DNMT3A: variants seen among roughly 807,000 people sequenced by gnomAD.
DNMT3A encodes the protein DNA (cytosine-5)-methyltransferase 3A.
DNMT3A carries 267 observed loss-of-function variants against 117.6 expected under a neutral mutation model. The observed-to-expected ratio is 2.27, with a 90% CI of 2.05 to 2.51. The LOEUF (loss-of-function observed/expected upper bound fraction) is 2.51, where lower values mean the gene tolerates loss of function less well. Among genes scored for constraint, DNMT3A ranks in the 30% most tolerant of loss-of-function variants. The probability of loss-of-function intolerance (pLI) is 0.00; values close to 1 mark genes in which losing one functional copy is unlikely to be tolerated. For synonymous variants in DNMT3A, 432 were observed against 474.8 expected (o/e 0.91, Z 1.17); for missense variants, 1,029 against 1,260.2 (o/e 0.82, Z 2.78).
At chr2:25,322,976 T>C (rs2034652396) in intron 1 of DNMT3A, among the ~76,000 whole-genome samples, 1 of 151,936 alleles carries the variant, frequency 6.6e-6, no homozygotes, top group African/African-American at 2.4e-5. Flanking sequence ...GCTTGCATTC[T>C]CCTTTTCCTC....
rs1222899269 is a variant in DNMT3A, at chr2:25,234,889, G to C, written c.2598-469C>G. Among the ~76,000 whole-genome samples, 4 of 152,152 alleles carry C rather than the reference G, an allele frequency of 2.6e-5. No individual in the cohort carries two copies. The highest frequency in any genetic ancestry group is 5.9e-5 in the Non-Finnish European group (4 of 68,032). ...CGAAAAAGGAGCCGAACTCCTGCCT[G>C]ACTTCAGAAGCTGAAGGATTTCCTG... On this transcript the variant is annotated intron_variant, in intron 22 of 22. Coordinates refer to ENST00000321117, the MANE Select transcript of DNMT3A (RefSeq NM_022552.5). This position sits in a 1 kb window ranked among gnomAD's most constrained non-coding sequence, Gnocchi z 4.5.
intron 6 of DNMT3A, among the ~76,000 whole-genome samples, chr2:25,251,097 G>A (rs1056853525): frequency 3.3e-5 from 5 of 151,384 alleles, no homozygotes; most frequent in Non-Finnish European, 7.4e-5. Flanking sequence ...AAGGGCTGGC[G>A]GAGGAGGAAG....
chr2:25,247,230 G>T lies in DNMT3A; in HGVS notation c.1015-72C>A. ...GCACCCACCCCATGCCTTGCAACTG[G>T]CAGGGGCTGGGAGCCTCGAGAGTCA... On this transcript the variant is annotated intron_variant, in intron 8 of 22. Coordinates refer to ENST00000321117, the MANE Select transcript of DNMT3A (RefSeq NM_022552.5). The surrounding 1 kb of genome is among the most constrained non-coding windows in gnomAD (Gnocchi z 5.6). 1 of 1,480,792 alleles carries T rather than the reference G, an allele frequency of 6.8e-7. No homozygotes were observed. Among genetic ancestry groups the T allele is most frequent in the Non-Finnish European group, 9.3e-7 (1 of 1,072,248 alleles). The allele number at this position is 1,480,792 out of a possible 1,614,324, so 91.7% of individuals were successfully genotyped here.
intron 1 of DNMT3A, among the ~76,000 whole-genome samples, chr2:25,330,919 G>A (rs773101884): frequency 1.3e-5 from 2 of 152,212 alleles, no homozygotes; most frequent in Non-Finnish European, 2.9e-5. Flanking sequence ...AGAGTCAATA[G>A]AACATGACGA....
chr2:25,270,622 G>A (rs1015214140), intron 6 of DNMT3A, among the ~76,000 whole-genome samples: 30 of 151,924 alleles, frequency 2.0e-4, no homozygotes, highest in Admixed American at 1.8e-3. Context: ...AGGGTACTTG[G>A]ATCTAGGAGG....
chr2:25,255,904 G>T (rs1025111630), intron 6 of DNMT3A, among the ~76,000 whole-genome samples: 1 of 152,222 alleles, frequency 6.6e-6, no homozygotes, highest in Admixed American at 6.5e-5. Context: ...AGCAACGCCC[G>T]GAGCTCATGC....
intron 1 of DNMT3A, among the ~76,000 whole-genome samples, chr2:25,329,674 CACACACACACACACACACA>C (rs1558746460): frequency 3.5e-4 from 8 of 22,708 alleles, no homozygotes; most frequent in Admixed American, 1.9e-3. Context: ...ATGCAGACCC[CACACACACACACACACACA>C]CACACACACA....
intron 1 of DNMT3A, among the ~76,000 whole-genome samples, chr2:25,319,413 G>T (rs2034508714): frequency 6.6e-6 from 1 of 152,118 alleles, no homozygotes; most frequent in Non-Finnish European, 1.5e-5. Context: ...GCATCCCAAA[G>T]TGCTGGGATT....
chr2:25,282,602 C>T lies in DNMT3A; in HGVS notation c.287G>A (p.Arg96Gln), dbSNP rs771499883. The change falls in exon 4 of 23, where the codon CGG becomes CAG. Residue 96 changes from arginine to glutamine, a missense_variant. Coordinates refer to ENST00000321117, the MANE Select transcript of DNMT3A (RefSeq NM_022552.5). This position sits in a 1 kb window ranked among gnomAD's most constrained non-coding sequence, Gnocchi z 5.2. ...ELLPNGDLEK[R>Q]SEPQPEEGSP... ...CCCCTCCTCTGGCTGGGGCTCACTC[C>T]GCTTCTCCAAGTCCCCATTGGGTAA... The T allele has an allele frequency of 5.1e-5, 83 of 1,613,558 alleles. No homozygotes were observed. The highest frequency in any genetic ancestry group is 1.1e-4 in the South Asian group (10 of 91,036).
chr2:25,300,757 ATATATATATAT>A (rs2033459791), intron 2 of DNMT3A, among the ~76,000 whole-genome samples: 8 of 74,666 alleles, frequency 1.1e-4, no homozygotes, highest in African/African-American at 3.2e-4. Context: ...ATATATATAT[ATATATATATAT>A]AAATAATACA....
rs1673490927 is a variant in DNMT3A at position 25,237,416 on chromosome 2, G to C, written c.2409-411C>G. On this transcript the variant is annotated intron_variant, in intron 20 of 22. Coordinates refer to ENST00000321117, the MANE Select transcript of DNMT3A (RefSeq NM_022552.5). This position sits in a 1 kb window ranked among gnomAD's most constrained non-coding sequence, Gnocchi z 5.4. ...CTTGATTTGTGGTGATTGTTACACG[G>C]GTGTGTCCACTGGATGAAATTAATC... is the stretch of plus-strand genomic sequence containing the variant. Among the ~76,000 whole-genome samples the C allele has an allele frequency of 2.0e-5, 3 of 152,168 alleles. No homozygotes were observed. Among genetic ancestry groups the C allele is most frequent in the South Asian group, 4.1e-4 (2 of 4,822 alleles).
At chr2:25,260,474 T>G (rs1309046030) in intron 6 of DNMT3A, among the ~76,000 whole-genome samples, 1 of 152,138 alleles carries the variant, frequency 6.6e-6, no homozygotes, top group Non-Finnish European at 1.5e-5. Context: ...CAATTTTTGT[T>G]TTTTTTTGCC....
chr2:25,294,056 C>T lies in DNMT3A; in HGVS notation c.177+6083G>A, dbSNP rs765713395. On this transcript the variant is annotated intron_variant, in intron 3 of 22. Coordinates refer to ENST00000321117, the MANE Select transcript of DNMT3A (RefSeq NM_022552.5). The surrounding 1 kb of genome is among the most constrained non-coding windows in gnomAD (Gnocchi z 4.7). ...TGGCCCCTGCCTTTGGGCCTCCCCA[C>T]ACTCACCCTGCCCTGCATGCCTTCC... Among the ~76,000 whole-genome samples, 1 of 152,340 alleles carries T rather than the reference C, an allele frequency of 6.6e-6. No individual in the cohort carries two copies. Among genetic ancestry groups the T allele is most frequent in the Non-Finnish European group, 1.5e-5 (1 of 68,036 alleles).
At chr2:25,318,082 G>A (rs1273976917) in intron 1 of DNMT3A, among the ~76,000 whole-genome samples, 4 of 152,088 alleles carry the variant, frequency 2.6e-5, no homozygotes, top group Admixed American at 6.6e-5. Context: ...GCTATTCCCC[G>A]ATTGGGCTCT....
chr2:25,302,489 G>A (rs1336607504), intron 2 of DNMT3A, among the ~76,000 whole-genome samples: 1 of 152,244 alleles, frequency 6.6e-6, no homozygotes, highest in Admixed American at 6.5e-5. Flanking sequence ...TGTGGAGGGA[G>A]AGGCCAGCCC....
Position 25,281,224 on chromosome 2 carries a change from C to G in DNMT3A, c.448+1217G>C, listed in dbSNP as rs1179691923. Reference sequence around the variant, plus strand: ...ATAGTAGAAAGGCACAAGACCAGGACTGAATGAGCCCTGGATCTGCCACTT... The same window carrying G: ...ATAGTAGAAAGGCACAAGACCAGGAGTGAATGAGCCCTGGATCTGCCACTT... On this transcript the variant is annotated intron_variant, in intron 4 of 22. Transcript: ENST00000321117. The surrounding 1 kb of genome is among the most constrained non-coding windows in gnomAD (Gnocchi z 4.8). 6.6e-6 allele frequency among the ~76,000 whole-genome samples: 1 copy of G among 152,194 alleles called. No individual in the cohort carries two copies. The highest frequency in any genetic ancestry group is 1.5e-5 in the Non-Finnish European group (1 of 68,044).
At chr2:25,239,528 A>G (rs1283467750) in intron 19 of DNMT3A, 7 of 564,814 alleles carry the variant, frequency 1.2e-5, no homozygotes, top group Admixed American at 2.2e-5. Context: ...AATGAGGCCA[A>G]TGTGATTGAG....
rs568991074 is a variant in DNMT3A at position 25,334,699 on chromosome 2, T to A, written c.-178+7127A>T. Among the ~76,000 whole-genome samples the A allele has an allele frequency of 4.6e-5, 7 of 152,348 alleles. No homozygotes were observed. The East Asian group carries it at 1.3e-3, about 29-fold the overall frequency. Reference sequence around the variant, plus strand: ...ATGCAGTCAGCGGCCTATTTTCTGCTCTCACCTAATCCCTACCAGCCTAGG... The same window carrying A: ...ATGCAGTCAGCGGCCTATTTTCTGCACTCACCTAATCCCTACCAGCCTAGG... On this transcript the variant is annotated intron_variant, in intron 1 of 22. Coordinates refer to ENST00000321117, the MANE Select transcript of DNMT3A (RefSeq NM_022552.5).
At chr2:25,297,503 C>T (rs906210225) in intron 3 of DNMT3A, among the ~76,000 whole-genome samples, 5 of 148,734 alleles carry the variant, frequency 3.4e-5, no homozygotes, top group African/African-American at 1.2e-4. Context: ...GCCAGCTCTG[C>T]ATTGTTTTTT....
Sources: gnomAD v4.1 joint callset for allele counts (sites outside exome capture counted in the v4.1 genomes callset) on GRCh38, gnomAD v4.1.1 for gene constraint, Gnocchi (gnomAD v3.1) non-coding constraint, MANE v1.5 for transcripts, NCBI Gene and HGNC (gene_info 2026-07-23, HGNC 2026-07-21) for gene names.